Variants in GALNT11 observed in about 807,000 individuals in gnomAD.
The protein encoded by GALNT11 is UDP-GalNAc:polypeptide N-acetylgalactosaminyltransferase 11.
Under a neutral mutation model 72.7 loss-of-function variants are expected in GALNT11, and 47 were observed. The observed-to-expected ratio is 0.65, with a 90% CI of 0.51 to 0.82. The LOEUF is 0.82. Ranked by LOEUF, GALNT11 falls within the 40% of genes least tolerant of loss-of-function variation. GALNT11 has a pLI of 0.00. For missense variants in GALNT11, 677 were observed against 778.4 expected (o/e 0.87, Z 1.55); for synonymous variants, 270 against 286.6 (o/e 0.94, Z 0.58).
intron 1 of GALNT11, among the ~76,000 whole-genome samples, chr7:152,060,884 T>G (rs960029074): frequency 6.6e-6 from 1 of 152,170 alleles, no homozygotes; most frequent in African/African-American, 2.4e-5. Context: ...TGATGGACAT[T>G]TGGGTTGGTT....
intron 1 of GALNT11, among the ~76,000 whole-genome samples, chr7:152,027,189 C>T (rs1563034688): frequency 2.0e-5 from 3 of 152,174 alleles, no homozygotes; most frequent in Admixed American, 1.3e-4. Flanking sequence ...GCAGAGCTTG[C>T]AGTGAGCCGA....
intron 1 of GALNT11, among the ~76,000 whole-genome samples, chr7:152,036,406 G>T (rs536452573): frequency 2.0e-5 from 3 of 152,232 alleles, no homozygotes; most frequent in Admixed American, 6.5e-5. Context: ...CCCTGTTGTT[G>T]CAAATGATGG....
At chr7:152,037,766 CA>C (rs2082650445) in intron 1 of GALNT11, among the ~76,000 whole-genome samples, 1 of 150,402 alleles carries the variant, frequency 6.6e-6, no homozygotes, top group South Asian at 2.1e-4. Context: ...TGCATGTCTT[CA>C]ATTTTTTTTT....
At chr7:152,035,587 G>A (rs773223283) in intron 1 of GALNT11, among the ~76,000 whole-genome samples, 5 of 152,168 alleles carry the variant, frequency 3.3e-5, no homozygotes, top group South Asian at 2.1e-4. Context: ...CAGGAAAAGC[G>A]GAAAGCTGGT....
intron 1 of GALNT11, among the ~76,000 whole-genome samples, chr7:152,069,952 T>A (rs1186250135): frequency 6.6e-6 from 1 of 152,130 alleles, no homozygotes; most frequent in Non-Finnish European, 1.5e-5. Flanking sequence ...TTTGTAACTG[T>A]TTTGCACTCA....
intron 1 of GALNT11, among the ~76,000 whole-genome samples, chr7:152,048,382 T>C (rs574332845): frequency 6.6e-6 from 1 of 152,174 alleles, no homozygotes; most frequent in South Asian, 2.1e-4. Flanking sequence ...AGCAGTCTTA[T>C]TTGGGTTAAA....
intron 6 of GALNT11, among the ~76,000 whole-genome samples, chr7:152,109,196 G>A (rs909048190): frequency 2.0e-5 from 3 of 152,178 alleles, no homozygotes; most frequent in African/African-American, 4.8e-5. Context: ...TCTTTTAGTT[G>A]GACATCCTAG....
intron 1 of GALNT11, among the ~76,000 whole-genome samples, 182 bp downstream of exon 1, chr7:152,026,066 C>T (rs2081995468): frequency 1.3e-5 from 2 of 151,974 alleles, no homozygotes; most frequent in African/African-American, 2.4e-5. Flanking sequence ...ACGCCGCTGC[C>T]CCCGCGCCTC....
At chr7:152,052,724 G>A (rs1045871784) in intron 1 of GALNT11, among the ~76,000 whole-genome samples, 1 of 152,112 alleles carries the variant, frequency 6.6e-6, no homozygotes, top group Non-Finnish European at 1.5e-5. Flanking sequence ...GTTCCCAGAG[G>A]TTCAGTTACT....
rs1189495113 is a variant in GALNT11 at position 152,103,270 on chromosome 7, G to C, written c.578G>C (p.Ser193Thr). 1.9e-6 allele frequency: 3 copies of C among 1,612,302 alleles called. No individual in the cohort carries two copies. The East Asian group carries it at 6.7e-5, about 36-fold the overall frequency. ...GAGATCATCCTTGTGGATGATGATA[G>C]TGACTTTGGTAAGGAATGCTGCACC... is the stretch of plus-strand genomic sequence containing the variant. ...LHEIILVDDDSDFDDLKGELD... is the reference protein window; with the variant it reads ...LHEIILVDDDTDFDDLKGELD... The change falls in exon 4 of 12, where the codon AGT (serine) becomes ACT (threonine). Residue 193 changes from serine (S) to threonine (T), a missense_variant. Coordinates refer to ENST00000430044, the MANE Select transcript of GALNT11 (RefSeq NM_022087.4).
At chr7:152,117,453 C>T (rs781228700) in intron 9 of GALNT11, 78 bp downstream of exon 9, 1 of 1,358,330 alleles carries the variant, frequency 7.4e-7, no homozygotes, top group Non-Finnish European at 1.0e-6. Flanking sequence ...TAAGCTATGA[C>T]AGGTGACACT....
intron 6 of GALNT11, 36 bp from the exon 7 acceptor site, chr7:152,110,492 T>A (rs771462299): frequency 6.2e-6 from 9 of 1,456,584 alleles, no homozygotes; most frequent in Non-Finnish European, 4.8e-6. Flanking sequence ...GATAACTGAC[T>A]ATAAGGAATG....
intron 8 of GALNT11, among the ~76,000 whole-genome samples, chr7:152,113,990 T>C (rs2088570604): frequency 6.6e-6 from 1 of 151,786 alleles, no homozygotes; most frequent in Non-Finnish European, 1.5e-5. Flanking sequence ...TCTTGAGCTC[T>C]TGGGCTCAAA....
chr7:152,058,988 T>C (rs548256028), intron 1 of GALNT11, among the ~76,000 whole-genome samples: 81 of 150,444 alleles, frequency 5.4e-4, no homozygotes, highest in Non-Finnish European at 8.2e-4. Context: ...TCGGTCAAGG[T>C]TGGAACCAAC....
chr7:152,108,786 A>G (rs528507453), intron 6 of GALNT11, among the ~76,000 whole-genome samples: 1 of 152,352 alleles, frequency 6.6e-6, no homozygotes, highest in South Asian at 2.1e-4. Flanking sequence ...CTTCTGTAAT[A>G]TAAAGCTGCT....
chr7:152,056,075 A>G (rs1432184014), intron 1 of GALNT11, among the ~76,000 whole-genome samples: 3 of 152,098 alleles, frequency 2.0e-5, no homozygotes, highest in Non-Finnish European at 1.5e-5. Flanking sequence ...GATGTTATAT[A>G]AATGGAATCA....
intron 1 of GALNT11, among the ~76,000 whole-genome samples, chr7:152,090,908 C>G (rs1460274229): frequency 1.3e-5 from 2 of 152,062 alleles, no homozygotes; most frequent in Non-Finnish European, 2.9e-5. Flanking sequence ...GGGTGTATAG[C>G]TGGAGACTGA....
chr7:152,033,839 C>T (rs1294871585), intron 1 of GALNT11, among the ~76,000 whole-genome samples: 1 of 152,192 alleles, frequency 6.6e-6, no homozygotes, highest in Non-Finnish European at 1.5e-5. Flanking sequence ...GTCATTCTGC[C>T]ATTTACTTGA....
intron 1 of GALNT11, among the ~76,000 whole-genome samples, chr7:152,068,873 T>G (rs931009349): frequency 6.6e-6 from 1 of 152,096 alleles, no homozygotes; most frequent in Non-Finnish European, 1.5e-5. Flanking sequence ...TTTTAATTTT[T>G]TAATTTTTAA....
Sources: gnomAD v4.1 joint callset for allele counts (sites outside exome capture counted in the v4.1 genomes callset) on GRCh38, gnomAD v4.1.1 for gene constraint, MANE v1.5 for transcripts, NCBI Gene and HGNC (gene_info 2026-07-23, HGNC 2026-07-21) for gene names.